The following DHRS3 variants were observed in gnomAD, a reference collection of about 807,000 sequenced individuals.
DHRS3 encodes the protein short-chain dehydrogenase/reductase 3.
A neutral mutation model predicts 27.2 loss-of-function variants in DHRS3; 14 were observed. The observed-to-expected ratio is 0.52, with a 90% CI of 0.34 to 0.81. The LOEUF (loss-of-function observed/expected upper bound fraction) is 0.81. Ranked by LOEUF, DHRS3 falls within the 30% of genes least tolerant of loss-of-function variation. The pLI, the probability that DHRS3 is intolerant of heterozygous loss-of-function variation, is 0.01. For missense variants in DHRS3, 322 were observed against 406.2 expected, an observed-to-expected ratio of 0.79 and a Z score of 1.78; for synonymous variants, 165 against 175.9, an observed-to-expected ratio of 0.94 and a Z score of 0.49.
chr1:12,601,156 C>T (rs1646833324), intron 1 of DHRS3, among the ~76,000 whole-genome samples: 1 of 152,048 alleles, frequency 6.6e-6, no homozygotes, highest in African/African-American at 2.4e-5. Flanking sequence ...GGACCCCTTG[C>T]TCCTGCTCAT....
At chr1:12,581,058 G>A (rs1280164243) in intron 1 of DHRS3, among the ~76,000 whole-genome samples, 1 of 152,004 alleles carries the variant, frequency 6.6e-6, no homozygotes, top group Admixed American at 6.6e-5. Flanking sequence ...GAACTCCTGG[G>A]TTCAAGCAAT....
chr1:12,573,374 C>T (rs1037218380), intron 4 of DHRS3, among the ~76,000 whole-genome samples: 6 of 152,198 alleles, frequency 3.9e-5, no homozygotes, highest in Non-Finnish European at 8.8e-5. Context: ...TTTCCTTGAC[C>T]GCGTTCACCC....
intron 1 of DHRS3, among the ~76,000 whole-genome samples, chr1:12,589,436 T>G (rs1278036471): frequency 6.7e-6 from 1 of 149,428 alleles, no homozygotes; most frequent in African/African-American, 2.5e-5. Context: ...TGGGCTAGGC[T>G]GGAGTGCAGT....
rs545052885 is a variant in DHRS3 at position 12,576,367 on chromosome 1, C to T, written c.698+2351G>A. The stretch of plus-strand genomic sequence containing the variant: ...CACGAGGTCAGGAGATTGAGACCAT[C>T]CTGGCTAACACGGTGAAACCCTGTC... On this transcript the variant is annotated intron_variant, in intron 4 of 5. Transcript: ENST00000616661. 3.6e-3 allele frequency among the ~76,000 whole-genome samples: 543 copies of T among 152,016 alleles called. 1 individual carries two copies. The highest frequency in any genetic ancestry group is 6.3e-3 in the Non-Finnish European group (430 of 67,974).
At position 12,578,959 on chromosome 1, in the gene DHRS3, G is replaced by A; in HGVS notation, c.460-3C>T. 1.2e-6 allele frequency: 2 copies of A among 1,609,904 alleles called. No homozygotes were observed. The highest frequency in any genetic ancestry group is 1.7e-6 in the Non-Finnish European group (2 of 1,178,670). On this transcript the variant is annotated splice_polypyrimidine_tract_variant and splice_region_variant and intron_variant, in intron 3 of 5. Coordinates refer to ENST00000616661, the MANE Select transcript of DHRS3 (RefSeq NM_004753.7). The surrounding 1 kb of genome is among the most constrained non-coding windows in gnomAD (Gnocchi z 4.5). Reference sequence around the variant, plus strand: ...CGCGGCAGGAAGGCCTTGGTGGTCTGAGGGCAGATGGGGTGTCAGGGTGGA... The same window carrying A: ...CGCGGCAGGAAGGCCTTGGTGGTCTAAGGGCAGATGGGGTGTCAGGGTGGA...
chr1:12,609,450 A>T lies in DHRS3; in HGVS notation c.195+7704T>A, dbSNP rs541389820. On this transcript the variant is annotated intron_variant, in intron 1 of 5. Coordinates refer to ENST00000616661, the MANE Select transcript of DHRS3 (RefSeq NM_004753.7). ...ACCCCCTCCAACAGTGGCACCCCGG[A>T]CTGCCTAGATTCTCCATTACCCTCA... is the stretch of plus-strand genomic sequence containing the variant. Among the ~76,000 whole-genome samples, 196 of 152,220 alleles carry T rather than the reference A, an allele frequency of 1.3e-3. 1 individual carries two copies. The highest frequency in any genetic ancestry group is 2.9e-3 in the South Asian group (14 of 4,824).
At chr1:12,588,789 C>T (rs188277764) in intron 1 of DHRS3, among the ~76,000 whole-genome samples, 20 of 152,344 alleles carry the variant, frequency 1.3e-4, no homozygotes, top group South Asian at 2.1e-4. Flanking sequence ...CTCCCACCGG[C>T]GACATGAGCT....
rs559625613 is a variant in DHRS3, at chr1:12,579,493, T to G, written c.340-81A>C. 285 of 1,544,900 alleles carry G rather than the reference T, an allele frequency of 1.8e-4. 6 individuals are homozygous for G. In the South Asian group the frequency reaches 3.4e-3, roughly 18 times the overall value. ...TATATGTTTTTTGTTTGTTTGTTTTTGAGATGGAGTCTCACTCTGTTGTCC... is the reference window on the plus strand; with the variant it reads ...TATATGTTTTTTGTTTGTTTGTTTTGGAGATGGAGTCTCACTCTGTTGTCC... On this transcript the variant is annotated intron_variant, in intron 2 of 5. Coordinates refer to ENST00000616661, the MANE Select transcript of DHRS3 (RefSeq NM_004753.7).
Position 12,578,986 on chromosome 1 carries a change from C to T in DHRS3, c.460-30G>A. ...GGGCAGATGGGGTGTCAGGGTGGAG[C>T]AGCTGCAGCTCTGACAACCCCTCCA... On this transcript the variant is annotated intron_variant, in intron 3 of 5. Transcript: ENST00000616661. This position sits in a 1 kb window ranked among gnomAD's most constrained non-coding sequence, Gnocchi z 4.5. The T allele has an allele frequency of 6.3e-7, 1 of 1,582,614 alleles. No individual in the cohort carries two copies. The highest frequency in any genetic ancestry group is 8.6e-7 in the Non-Finnish European group (1 of 1,157,322).
At chr1:12,606,470 AATTTT>A (rs763561465) in intron 1 of DHRS3, among the ~76,000 whole-genome samples, 16 of 151,862 alleles carry the variant, frequency 1.1e-4, no homozygotes, top group Non-Finnish European at 1.3e-4. Context: ...TTTCAATGAA[AATTTT>A]ATTTTATTTT....
intron 5 of DHRS3, among the ~76,000 whole-genome samples, chr1:12,571,313 C>T (rs756136282): frequency 1.4e-4 from 21 of 152,254 alleles, no homozygotes; most frequent in Middle Eastern, 3.4e-3. Flanking sequence ...GCCTGCCTCC[C>T]CAAAGTGGTC....
Position 12,617,221 on chromosome 1 carries a change from A to G in DHRS3, c.128T>C (p.Ile43Thr). The G allele has an allele frequency of 6.2e-7, 1 of 1,613,576 alleles. No individual in the cohort carries two copies. Among genetic ancestry groups the G allele is most frequent in the Non-Finnish European group, 8.5e-7 (1 of 1,179,954 alleles). The change falls in exon 1 of 6, where the codon ATC becomes ACC. Residue 43 changes from isoleucine to threonine, a missense_variant. Transcript: ENST00000616661. ...CCCGATGCCTCTCCCGCCGCCGGTG[A>G]TGAGGACGTTCTCCCGCGACAGGTC... ...LRDLSRENVL[I>T]TGGGRGIGRQ...
chr1:12,600,261 A>C, intron 1 of DHRS3: 8 of 681,302 alleles, frequency 1.2e-5, no homozygotes, highest in Non-Finnish European at 1.4e-5. Context: ...ATTTCCACTG[A>C]CTTGAAGGCT....
At chr1:12,609,425 A>G (rs1570401421) in intron 1 of DHRS3, among the ~76,000 whole-genome samples, 1 of 151,668 alleles carries the variant, frequency 6.6e-6, no homozygotes, top group South Asian at 2.1e-4. Context: ...GCTGCCTCCC[A>G]CCCCCTCCAA....
At chr1:12,597,084 T>TC (rs930054699) in intron 1 of DHRS3, among the ~76,000 whole-genome samples, 4 of 151,862 alleles carry the variant, frequency 2.6e-5, no homozygotes, top group East Asian at 1.9e-4. Flanking sequence ...ACCCCAGATC[T>TC]CCCCCCGCCC....
At chr1:12,610,241 G>A (rs1646899807) in intron 1 of DHRS3, among the ~76,000 whole-genome samples, 1 of 136,402 alleles carries the variant, frequency 7.3e-6, no homozygotes, top group Non-Finnish European at 1.6e-5. Context: ...ACCATGCCCA[G>A]CAATTTTTTT....
intron 1 of DHRS3, among the ~76,000 whole-genome samples, chr1:12,611,410 G>C (rs1646908533): frequency 6.6e-6 from 1 of 152,220 alleles, no homozygotes; most frequent in African/African-American, 2.4e-5. Flanking sequence ...AGAAGCGACA[G>C]TTTGGAAATA....
At position 12,576,289 on chromosome 1, in the gene DHRS3, G is replaced by A. The variant is rs141469383; in HGVS notation, c.698+2429C>T. On this transcript the variant is annotated intron_variant, in intron 4 of 5. Coordinates refer to ENST00000616661, the MANE Select transcript of DHRS3 (RefSeq NM_004753.7). ...TAGAACTGCAGACTGCCGGCTGGGC[G>A]TGGTGGCTCACGCCTGTAATCCCAG... 9.7e-3 allele frequency among the ~76,000 whole-genome samples: 1,482 copies of A among 152,004 alleles called. 19 individuals carry two copies. Among genetic ancestry groups the A allele is most frequent in the African/African-American group, 0.034 (1,422 of 41,496 alleles).
intron 1 of DHRS3, among the ~76,000 whole-genome samples, chr1:12,590,735 C>T (rs994374306): frequency 2.0e-5 from 3 of 152,206 alleles, no homozygotes; most frequent in African/African-American, 7.2e-5. Flanking sequence ...TCCGAATGGA[C>T]TCCAGTGGGA....
Sources: gnomAD v4.1 joint callset for allele counts (sites outside exome capture counted in the v4.1 genomes callset) on GRCh38, gnomAD v4.1.1 for gene constraint, Gnocchi (gnomAD v3.1) non-coding constraint, MANE v1.5 for transcripts, NCBI Gene and HGNC (gene_info 2026-07-23, HGNC 2026-07-21) for gene names.